EFNA5: variants seen among roughly 807,000 people sequenced by gnomAD.
EFNA5 encodes the protein ephrin A5, also known as ephrin-A5.
Under a neutral mutation model 22.9 loss-of-function variants are expected in EFNA5, and 5 were observed. The ratio of observed to expected loss-of-function variants is 0.22; its 90% CI spans 0.11 to 0.46. The LOEUF (loss-of-function observed/expected upper bound fraction) is 0.46, where lower values mean the gene tolerates loss of function less well. Among genes scored for constraint, EFNA5 ranks in the 20% least tolerant of loss-of-function variants. The pLI is 0.99. For missense variants in EFNA5, 237 were observed against 293.3 expected (o/e 0.81, Z 1.40); for synonymous variants, 113 against 112.2 (o/e 1.01, Z -0.04).
chr5:107,526,425 T>C (rs1747697175), intron 1 of EFNA5, among the ~76,000 whole-genome samples: 3 of 152,180 alleles, frequency 2.0e-5, no homozygotes, highest in Admixed American at 6.5e-5. Flanking sequence ...GGCTGGGCCA[T>C]ACATGTGGTC....
chr5:107,383,479 C>T (rs1178363329), intron 4 of EFNA5, among the ~76,000 whole-genome samples: 1 of 152,134 alleles, frequency 6.6e-6, no homozygotes, highest in Non-Finnish European at 1.5e-5. Context: ...TTAAGAGCAC[C>T]AATATGTTGT....
intron 2 of EFNA5, among the ~76,000 whole-genome samples, chr5:107,406,378 C>T (rs1748221818): frequency 6.6e-6 from 1 of 152,000 alleles, no homozygotes; most frequent in Non-Finnish European, 1.5e-5. Context: ...GCCATGCAGG[C>T]CTTCTTGGTG....
chr5:107,628,624 G>T (rs932067493), intron 1 of EFNA5, among the ~76,000 whole-genome samples: 13 of 152,002 alleles, frequency 8.6e-5, no homozygotes, highest in Admixed American at 8.5e-4. Flanking sequence ...TATACCAGGG[G>T]AACCATAGAT....
chr5:107,604,869 T>C (rs927835509), intron 1 of EFNA5, among the ~76,000 whole-genome samples: 1 of 152,136 alleles, frequency 6.6e-6, no homozygotes, highest in Non-Finnish European at 1.5e-5. Context: ...CACTTAGTGC[T>C]TAATTGCGGG....
intron 2 of EFNA5, among the ~76,000 whole-genome samples, chr5:107,401,692 A>G (rs1748088831): frequency 6.6e-6 from 1 of 152,120 alleles, no homozygotes; most frequent in Non-Finnish European, 1.5e-5. Flanking sequence ...TTTTCACTCT[A>G]TATATTGGGG....
At chr5:107,624,096 C>A (rs1313631346) in intron 1 of EFNA5, among the ~76,000 whole-genome samples, 1 of 152,044 alleles carries the variant, frequency 6.6e-6, no homozygotes, top group African/African-American at 2.4e-5. Context: ...TTTACAATAT[C>A]ACTAAGTGTC....
intron 1 of EFNA5, among the ~76,000 whole-genome samples, chr5:107,484,999 T>TA (rs1211077848): frequency 8.8e-5 from 13 of 148,228 alleles, no homozygotes; most frequent in African/African-American, 3.2e-4. Flanking sequence ...AAGCAGATTT[T>TA]AAAAAGAAAA....
intron 1 of EFNA5, among the ~76,000 whole-genome samples, chr5:107,473,996 T>C (rs1402976026): frequency 1.3e-5 from 2 of 152,150 alleles, no homozygotes; most frequent in Non-Finnish European, 2.9e-5. Context: ...AATACATGAC[T>C]ATCATGCTTT....
intron 1 of EFNA5, among the ~76,000 whole-genome samples, chr5:107,518,502 T>G (rs912433204): frequency 2.0e-5 from 3 of 151,334 alleles, no homozygotes; most frequent in African/African-American, 7.3e-5. Context: ...GGGGGACTGG[T>G]GGGCAGAAGG....
intron 1 of EFNA5, among the ~76,000 whole-genome samples, chr5:107,644,478 G>T (rs1000593835): frequency 6.6e-6 from 1 of 152,064 alleles, no homozygotes; most frequent in Non-Finnish European, 1.5e-5. Flanking sequence ...AAAAATACTT[G>T]CATCCAAAGA....
chr5:107,439,085 G>C (rs1348886821), intron 1 of EFNA5, among the ~76,000 whole-genome samples: 1 of 152,114 alleles, frequency 6.6e-6, no homozygotes, highest in Non-Finnish European at 1.5e-5. Flanking sequence ...TCCAATTCAT[G>C]TTTAAGCCCC....
At chr5:107,592,762 A>T (rs1321538240) in intron 1 of EFNA5, among the ~76,000 whole-genome samples, 2 of 152,146 alleles carry the variant, frequency 1.3e-5, no homozygotes, top group Non-Finnish European at 2.9e-5. Flanking sequence ...GTGGAGCTGT[A>T]CACAGACAGG....
intron 1 of EFNA5, among the ~76,000 whole-genome samples, chr5:107,461,903 C>A (rs371695564): frequency 1.3e-5 from 2 of 152,120 alleles, no homozygotes; most frequent in East Asian, 1.9e-4. Flanking sequence ...ATGAAGTTCT[C>A]ACCAAATACT....
intron 1 of EFNA5, among the ~76,000 whole-genome samples, chr5:107,478,232 G>C (rs146231391): frequency 6.6e-6 from 1 of 152,146 alleles, no homozygotes; most frequent in Non-Finnish European, 1.5e-5. Flanking sequence ...AGACTTCTAC[G>C]GAGAAAGAGG....
At chr5:107,386,531 G>A (rs1426013605) in intron 4 of EFNA5, among the ~76,000 whole-genome samples, 2 of 152,184 alleles carry the variant, frequency 1.3e-5, no homozygotes, top group Non-Finnish European at 1.5e-5. Flanking sequence ...GGAAACATTA[G>A]GAGTGTGGAA....
At chr5:107,548,657 T>G (rs1469498389) in intron 1 of EFNA5, among the ~76,000 whole-genome samples, 1 of 152,212 alleles carries the variant, frequency 6.6e-6, no homozygotes, top group Non-Finnish European at 1.5e-5. Context: ...GAGCAGTGTC[T>G]AGCAGAAGTA....
At chr5:107,637,785 T>C (rs1290397496) in intron 1 of EFNA5, among the ~76,000 whole-genome samples, 1 of 149,384 alleles carries the variant, frequency 6.7e-6, no homozygotes, top group Non-Finnish European at 1.5e-5. Flanking sequence ...TATAATCAGT[T>C]TAAATTCAAA....
intron 1 of EFNA5, among the ~76,000 whole-genome samples, chr5:107,601,198 A>G (rs1192577664): frequency 1.3e-5 from 2 of 152,232 alleles, no homozygotes; most frequent in Non-Finnish European, 2.9e-5. Flanking sequence ...CATTCGTACT[A>G]TGTTCCAAGG....
chr5:107,451,631 C>T (rs1749563096), intron 1 of EFNA5, among the ~76,000 whole-genome samples: 1 of 151,818 alleles, frequency 6.6e-6, no homozygotes, highest in Admixed American at 6.6e-5. Flanking sequence ...TAAGTGAAAA[C>T]CTAAATGAAT....
Sources: allele counts gnomAD v4.1 joint callset (sites outside exome capture counted in the v4.1 genomes callset), GRCh38; gene constraint gnomAD v4.1.1; transcripts MANE v1.5; gene names NCBI Gene and HGNC (gene_info 2026-07-23, HGNC 2026-07-21).